The following ENKUR variants were observed in gnomAD, a reference collection of about 807,000 sequenced individuals.
ENKUR encodes the protein enkurin, TRPC channel interacting protein.
Under a neutral mutation model 27.6 loss-of-function variants are expected in ENKUR, and 19 were observed. The observed-to-expected ratio is 0.69, with a 90% CI of 0.48 to 1.01. ENKUR has a LOEUF of 1.01. ENKUR is among the 50% of genes least tolerant of loss of function. The pLI is 0.00. For synonymous variants in ENKUR, 117 were observed against 96.9 expected, an observed-to-expected ratio of 1.21 and a Z score of -1.22; for missense variants, 312 against 310.5, an observed-to-expected ratio of 1.00 and a Z score of -0.04.
intron 4 of ENKUR, among the ~76,000 whole-genome samples, chr10:24,986,009 A>G (rs1296505654): frequency 6.6e-6 from 1 of 152,176 alleles, no homozygotes; most frequent in Non-Finnish European, 1.5e-5. Flanking sequence ...TTGAGGCTGC[A>G]GTGAGCGATG....
chr10:25,016,945 C>T (rs891524973), upstream of ENKUR, among the ~76,000 whole-genome samples: 38 of 152,296 alleles, frequency 2.5e-4, no homozygotes, highest in African/African-American at 7.7e-4. Flanking sequence ...CTCCTCGGAA[C>T]GCCGCGCAGC....
At chr10:24,988,892 G>C (rs932965696) in intron 4 of ENKUR, among the ~76,000 whole-genome samples, 1 of 151,776 alleles carries the variant, frequency 6.6e-6, no homozygotes, top group African/African-American at 2.4e-5. Context: ...GGAAGGAAGT[G>C]TGGCTCAGGG....
chr10:25,049,513 C>G (rs1273065653), intron 2 of ENKUR, among the ~76,000 whole-genome samples: 1 of 152,138 alleles, frequency 6.6e-6, no homozygotes, highest in Non-Finnish European at 1.5e-5. Flanking sequence ...TTTGGCCAGG[C>G]ATGGTGGCTC....
At chr10:25,014,691 G>A (rs909322597) in intron 1 of ENKUR, among the ~76,000 whole-genome samples, 5 of 152,116 alleles carry the variant, frequency 3.3e-5, no homozygotes, top group African/African-American at 7.2e-5. Context: ...CCAAAAGTTG[G>A]TGCAACAATA....
intron 2 of ENKUR, chr10:25,024,596 C>A (rs368313374): frequency 1.4e-5 from 22 of 1,614,034 alleles, no homozygotes; most frequent in Non-Finnish European, 1.9e-5. Flanking sequence ...GGCTTTCTTA[C>A]TGTGGAATAT....
chr10:25,004,725 T>C (rs559353398), intron 1 of ENKUR, among the ~76,000 whole-genome samples: 2 of 152,244 alleles, frequency 1.3e-5, no homozygotes, highest in East Asian at 3.9e-4. Context: ...GTTTACTCTG[T>C]TGATGGTTTC....
Position 25,004,467 on chromosome 10 carries a change from G to A in ENKUR, c.78-4921C>T, listed in dbSNP as rs565691374. On this transcript the variant is annotated intron_variant, in intron 1 of 5. Transcript: ENST00000331161. Reference sequence around the variant, plus strand: ...GAATAATGGCCATTCTGATTGGTGTGAGATGGTATCTCATTGTAGTTTTGA... The same window carrying A: ...GAATAATGGCCATTCTGATTGGTGTAAGATGGTATCTCATTGTAGTTTTGA... Among the ~76,000 whole-genome samples the A allele has an allele frequency of 2.0e-5, 3 of 152,254 alleles. No individual in the cohort carries two copies. In the South Asian group the frequency reaches 6.2e-4, roughly 32 times the overall value.
chr10:25,044,962 T>G (rs1851106443), intron 2 of ENKUR, among the ~76,000 whole-genome samples: 1 of 152,218 alleles, frequency 6.6e-6, no homozygotes, highest in Non-Finnish European at 1.5e-5. Flanking sequence ...TGACTCCCTC[T>G]CTGATGCCTC....
intron 1 of ENKUR, among the ~76,000 whole-genome samples, chr10:25,010,907 G>C (rs1363637753): frequency 9.9e-5 from 15 of 151,482 alleles, no homozygotes; most frequent in Non-Finnish European, 7.4e-5. Context: ...ATAAACATAC[G>C]TGTGCATGTG....
rs1849906002 is a variant in ENKUR at position 24,990,584 on chromosome 10, A to G, written c.473T>C (p.Ile158Thr). Residue 158 changes from isoleucine (I) to threonine (T), a missense_variant, in exon 4 of 6, where the codon ATA (isoleucine) becomes ACA (threonine). Transcript: ENST00000331161. ...CTTTATTTCCTCGTTTCGCTTACAT[A>G]TGTATTCAGGTGTGACACCATAATC... The part of the protein sequence containing the change: ...KKDYGVTPEY[I>T]CKRNEEIKKA... The G allele has an allele frequency of 6.2e-7, 1 of 1,612,152 alleles. No individual in the cohort carries two copies. Among genetic ancestry groups the G allele is most frequent in the Non-Finnish European group, 8.5e-7 (1 of 1,179,624 alleles).
chr10:25,033,923 C>T lies in ENKUR; in HGVS notation c.37+27189G>A, dbSNP rs186655235. On this transcript the variant is annotated intron_variant, in intron 2 of 5. Coordinates refer to the ENKUR transcript ENST00000615958. Reference sequence around the variant, plus strand: ...GATGTGGACGTACATCTATCTCTCTCTCTATATATATGTATTAAAATAAAT... The same window carrying T: ...GATGTGGACGTACATCTATCTCTCTTTCTATATATATGTATTAAAATAAAT... Among the ~76,000 whole-genome samples, 4 of 151,968 alleles carry T rather than the reference C, an allele frequency of 2.6e-5. No homozygotes were observed. In the East Asian group the frequency reaches 7.7e-4, roughly 29 times the overall value.
At chr10:25,039,261 A>T (rs1564355112) in intron 2 of ENKUR, among the ~76,000 whole-genome samples, 1 of 152,284 alleles carries the variant, frequency 6.6e-6, no homozygotes, top group East Asian at 1.9e-4. Context: ...CAGTAGGGAC[A>T]GTTTTGCTGT....
chr10:24,999,689 G>C, intron 1 of ENKUR, 143 bp from the exon 2 acceptor site: 1 of 779,450 alleles, frequency 1.3e-6, no homozygotes, highest in South Asian at 1.9e-5. Flanking sequence ...ATACTTACCT[G>C]AGCCCTGTCC....
rs377234789 is a variant in ENKUR, at chr10:24,990,566, T to C, written c.491A>G (p.Glu164Gly). Residue 164 changes from glutamate to glycine, a missense_variant, in exon 4 of 6, where the codon GAA (glutamate) becomes GGA (glycine). Physicochemically the swap from Glu to Gly is moderately conservative, Grantham distance 98 (BLOSUM62 -2). Transcript: ENST00000331161. ...TPEYICKRNE[E>G]IKKAQEDYDR... ...ATAGTCTTCTTGGGCTTTCTTTATT[T>C]CCTCGTTTCGCTTACATATGTATTC... 33 of 1,613,466 alleles carry C rather than the reference T, an allele frequency of 2.0e-5. 1 individual carries two copies. In the South Asian group the frequency reaches 3.5e-4, roughly 17 times the overall value.
At chr10:25,060,598 A>G (rs988975339) in intron 2 of ENKUR, among the ~76,000 whole-genome samples, 4 of 152,196 alleles carry the variant, frequency 2.6e-5, no homozygotes, top group African/African-American at 9.7e-5. Flanking sequence ...GTCATCTTCA[A>G]TTATAAAGTT....
chr10:25,045,876 T>C (rs957930862), intron 2 of ENKUR, among the ~76,000 whole-genome samples: 1 of 152,220 alleles, frequency 6.6e-6, no homozygotes, highest in Non-Finnish European at 1.5e-5. Context: ...GCAGCAATTC[T>C]ACCAAAGGTG....
intron 3 of ENKUR, 87 bp from the exon 4 acceptor site, chr10:24,990,696 G>T: frequency 7.7e-7 from 1 of 1,306,018 alleles, no homozygotes. Flanking sequence ...GGAAGAAAAA[G>T]AAATGGTACA....
At chr10:24,989,407 G>A (rs1253667386) in intron 4 of ENKUR, among the ~76,000 whole-genome samples, 1 of 152,146 alleles carries the variant, frequency 6.6e-6, no homozygotes, top group African/African-American at 2.4e-5. Flanking sequence ...CCTACTGTCT[G>A]GGACATGCCG....
upstream of ENKUR, among the ~76,000 whole-genome samples, chr10:25,017,433 T>C (rs1367609054): frequency 6.6e-6 from 1 of 152,042 alleles, no homozygotes; most frequent in Admixed American, 6.5e-5. Context: ...AAATAAAGCT[T>C]CCCGGAGAGG....
Sources: allele counts gnomAD v4.1 joint callset (sites outside exome capture counted in the v4.1 genomes callset), GRCh38; gene constraint gnomAD v4.1.1; transcripts MANE v1.5; gene names NCBI Gene and HGNC (gene_info 2026-07-23, HGNC 2026-07-21).